ASTN2: variants seen among roughly 807,000 people sequenced by gnomAD.
The protein encoded by ASTN2 is astrotactin 2.
A neutral mutation model predicts 139.8 loss-of-function variants in ASTN2; 54 were observed. The ratio of observed to expected loss-of-function variants is 0.39; its 90% confidence interval spans 0.31 to 0.48. The LOEUF (loss-of-function observed/expected upper bound fraction) is 0.48, where lower values mean the gene tolerates loss of function less well. Among genes scored for constraint, ASTN2 ranks in the 20% least tolerant of loss-of-function variants. The pLI is 0.95. For synonymous variants in ASTN2, 756 were observed against 719.5 expected (o/e 1.05, Z -0.81); for missense variants, 1,565 against 1,725.1 (o/e 0.91, Z 1.64).
chr9:117,349,691 A>G lies in ASTN2; in HGVS notation c.443-58178T>C, dbSNP rs142792369. Among the ~76,000 whole-genome samples, 340 of 152,292 alleles carry G rather than the reference A, an allele frequency of 2.2e-3. 2 individuals are homozygous for G. Among genetic ancestry groups the G allele is most frequent in the African/African-American group, 7.5e-3 (313 of 41,564 alleles). On this transcript the variant is annotated intron_variant, in intron 1 of 22. Coordinates refer to ENST00000313400, the MANE Select transcript of ASTN2 (RefSeq NM_001365068.1). ...TCACTTCTAATGAATAAAGTAAGTA[A>G]AGGGAAAAATAATTGTCTTGCAGTG...
At chr9:117,104,521 T>A (rs932231252) in intron 4 of ASTN2, among the ~76,000 whole-genome samples, 1 of 152,232 alleles carries the variant, frequency 6.6e-6, no homozygotes, top group Non-Finnish European at 1.5e-5. Flanking sequence ...TGAGATGGCA[T>A]GATCTACGGT....
At chr9:116,593,974 C>T (rs945549448) in intron 19 of ASTN2, among the ~76,000 whole-genome samples, 7 of 152,178 alleles carry the variant, frequency 4.6e-5, no homozygotes, top group South Asian at 2.1e-4. Context: ...ACTCACTTTG[C>T]GCTGCCCCAA....
intron 10 of ASTN2, among the ~76,000 whole-genome samples, chr9:116,925,754 A>C (rs1322088947): frequency 3.3e-5 from 5 of 152,074 alleles, no homozygotes; most frequent in Non-Finnish European, 7.4e-5. Flanking sequence ...AATTTAAAAA[A>C]TTATTAAGAA....
chr9:116,855,841 C>T (rs2132329523), intron 11 of ASTN2, among the ~76,000 whole-genome samples: 1 of 152,274 alleles, frequency 6.6e-6, no homozygotes, highest in East Asian at 1.9e-4. Flanking sequence ...GTGAGGATTT[C>T]CAGGGCCAGG....
chr9:117,234,653 T>C (rs1254140874), intron 2 of ASTN2, among the ~76,000 whole-genome samples: 2 of 152,212 alleles, frequency 1.3e-5, no homozygotes, highest in African/African-American at 4.8e-5. Context: ...CCAGTCTAAA[T>C]GGAGGTTGGG....
intron 6 of ASTN2, among the ~76,000 whole-genome samples, chr9:117,038,311 G>T (rs989054886): frequency 2.6e-5 from 4 of 152,130 alleles, no homozygotes; most frequent in African/African-American, 9.7e-5. Context: ...ATATCAAAAT[G>T]CAAAATTTTT....
chr9:117,253,408 A>C (rs1225645047), intron 2 of ASTN2, among the ~76,000 whole-genome samples: 1 of 152,166 alleles, frequency 6.6e-6, no homozygotes, highest in Non-Finnish European at 1.5e-5. Context: ...AATCCCAGAG[A>C]CATTTCCTTG....
chr9:117,239,099 C>G (rs976014107), intron 2 of ASTN2, among the ~76,000 whole-genome samples: 1 of 152,164 alleles, frequency 6.6e-6, no homozygotes, highest in Admixed American at 6.5e-5. Context: ...AGAAAATCAG[C>G]AGTGGATTCA....
chr9:116,599,790 T>C (rs1854778037), intron 19 of ASTN2, among the ~76,000 whole-genome samples: 1 of 152,144 alleles, frequency 6.6e-6, no homozygotes. Flanking sequence ...GAGGGGAATT[T>C]TACCTCCCTT....
intron 19 of ASTN2, among the ~76,000 whole-genome samples, chr9:116,499,850 T>C (rs138855642): frequency 6.4e-4 from 97 of 152,220 alleles, no homozygotes; most frequent in African/African-American, 2.3e-3. Context: ...TCAGTGCCCC[T>C]ACCTTCTTAT....
intron 1 of ASTN2, among the ~76,000 whole-genome samples, chr9:117,356,404 A>G (rs1353832005): frequency 6.6e-6 from 1 of 152,206 alleles, no homozygotes; most frequent in African/African-American, 2.4e-5. Flanking sequence ...GATGAAATTA[A>G]GTGAGAATCT....
intron 16 of ASTN2, among the ~76,000 whole-genome samples, chr9:116,679,679 G>C (rs1450965038): frequency 6.6e-6 from 1 of 152,058 alleles, no homozygotes. Flanking sequence ...CTGTCTCTCA[G>C]AACACAGTGC....
intron 5 of ASTN2, among the ~76,000 whole-genome samples, chr9:117,049,557 T>C (rs1330340344): frequency 1.3e-5 from 2 of 152,188 alleles, no homozygotes; most frequent in Non-Finnish European, 2.9e-5. Flanking sequence ...GTGTTAAAGA[T>C]TGTATGTACA....
Position 116,487,424 on chromosome 9 carries a change from T to C in ASTN2, c.3432A>G (p.Gly1144=). 2 of 1,614,000 alleles carry C rather than the reference T, an allele frequency of 1.2e-6. No homozygotes were observed. The highest frequency in any genetic ancestry group is 2.2e-5 in the South Asian group (2 of 91,064). The change falls in exon 20 of 23, where the codon GGA becomes GGG. Residue 1144 remains glycine, a synonymous_variant. Transcript: ENST00000313400. ...TSCVAAGRSH[G]EVPEVSIYSV... Reference sequence around the variant, plus strand: ...AGTAGATACTGACTTCAGGGACCTCTCCATGGCTTCGACCAGCTGCTACAC... The same window carrying C: ...AGTAGATACTGACTTCAGGGACCTCCCCATGGCTTCGACCAGCTGCTACAC...
intron 19 of ASTN2, among the ~76,000 whole-genome samples, chr9:116,573,717 T>C (rs779858957): frequency 9.2e-5 from 14 of 152,220 alleles, no homozygotes; most frequent in African/African-American, 2.9e-4. Flanking sequence ...TATGTTATCA[T>C]GTTAAATGAC....
At chr9:117,139,506 G>A (rs141207193) in intron 4 of ASTN2, among the ~76,000 whole-genome samples, 2 of 152,236 alleles carry the variant, frequency 1.3e-5, no homozygotes, top group African/African-American at 4.8e-5. Flanking sequence ...TTCCAAAAAC[G>A]AATTCCATCA....
chr9:117,163,983 T>G (rs868276929), intron 3 of ASTN2, among the ~76,000 whole-genome samples: 2 of 152,108 alleles, frequency 1.3e-5, no homozygotes, highest in Non-Finnish European at 2.9e-5. Flanking sequence ...ATATGTCTGA[T>G]AAATGAATGA....
intron 10 of ASTN2, among the ~76,000 whole-genome samples, chr9:116,885,761 T>C (rs368256403): frequency 9.7e-4 from 148 of 152,254 alleles, no homozygotes; most frequent in African/African-American, 3.2e-3. Context: ...AACACACAAA[T>C]TGTGAGGTGA....
rs372978826 is a variant in ASTN2 at position 117,316,902 on chromosome 9, G to C, written c.443-25389C>G. Among the ~76,000 whole-genome samples the C allele has an allele frequency of 3.9e-5, 6 of 152,280 alleles. No homozygotes were observed. In the East Asian group the frequency reaches 1.2e-3, roughly 29 times the overall value. On this transcript the variant is annotated intron_variant, in intron 1 of 22. Transcript: ENST00000313400. The stretch of plus-strand genomic sequence containing the variant: ...AAGTTGTCCAAGAAAGATGCAGTGA[G>C]GCTGAATGGAGACCAGAAGGAAACA...
Sources: gnomAD v4.1 joint callset for allele counts (sites outside exome capture counted in the v4.1 genomes callset) on GRCh38, gnomAD v4.1.1 for gene constraint, MANE v1.5 for transcripts, NCBI Gene and HGNC (gene_info 2026-07-23, HGNC 2026-07-21) for gene names.